The following UBXN4 variants were observed in gnomAD, a reference collection of about 807,000 sequenced individuals.
UBXN4 encodes the protein UBX domain-containing protein 4.
UBXN4 carries 35 observed loss-of-function variants against 66.2 expected under a neutral mutation model. The ratio of observed to expected loss-of-function variants is 0.53; its 90% CI spans 0.40 to 0.70. The LOEUF is 0.70. UBXN4 is among the 30% of genes least tolerant of loss of function. The pLI, the probability that UBXN4 is intolerant of heterozygous loss-of-function variation, is 0.00. For synonymous variants in UBXN4, 203 were observed against 204.5 expected, an observed-to-expected ratio of 0.99 and a Z score of 0.06; for missense variants, 533 against 599.8, an observed-to-expected ratio of 0.89 and a Z score of 1.16.
intron 9 of UBXN4, among the ~76,000 whole-genome samples, chr2:135,774,340 A>G (rs1317377068): frequency 1.3e-5 from 2 of 152,206 alleles, no homozygotes; most frequent in African/African-American, 2.4e-5. Context: ...ACCTCACACC[A>G]TGTACAAAAT....
chr2:135,771,392 C>T (rs1479417442), intron 8 of UBXN4, among the ~76,000 whole-genome samples: 1 of 152,020 alleles, frequency 6.6e-6, no homozygotes, highest in Non-Finnish European at 1.5e-5. Flanking sequence ...AGGAGAATCA[C>T]TTGAACCTAG....
At chr2:135,758,147 T>C (rs2077290158) in intron 5 of UBXN4, among the ~76,000 whole-genome samples, 1 of 150,848 alleles carries the variant, frequency 6.6e-6, no homozygotes. Context: ...CAATCTTGGC[T>C]CACCACAACC....
intron 6 of UBXN4, among the ~76,000 whole-genome samples, chr2:135,766,800 G>A (rs2077351083): frequency 6.6e-6 from 1 of 152,036 alleles, no homozygotes; most frequent in South Asian, 2.1e-4. Context: ...TTGTCTATGG[G>A]GTGATTCAAA....
intron 10 of UBXN4, among the ~76,000 whole-genome samples, chr2:135,777,415 G>A (rs990102244): frequency 2.6e-5 from 4 of 152,076 alleles, no homozygotes; most frequent in Admixed American, 6.6e-5. Context: ...CAATGTAAAC[G>A]TTTATTTTAA....
intron 2 of UBXN4, among the ~76,000 whole-genome samples, chr2:135,749,783 A>G (rs955416820): frequency 1.3e-5 from 2 of 152,206 alleles, no homozygotes; most frequent in South Asian, 2.1e-4. Flanking sequence ...TTTTAGTTCA[A>G]AATTATTCAA....
intron 6 of UBXN4, among the ~76,000 whole-genome samples, chr2:135,764,216 G>A (rs2077334324): frequency 6.6e-6 from 1 of 152,126 alleles, no homozygotes; most frequent in South Asian, 2.1e-4. Flanking sequence ...AGTTGAAACT[G>A]AGATCTATTT....
At chr2:135,777,569 C>T (rs2077423634) in intron 10 of UBXN4, among the ~76,000 whole-genome samples, 1 of 152,136 alleles carries the variant, frequency 6.6e-6, no homozygotes, top group South Asian at 2.1e-4. Context: ...GGGACTACAT[C>T]TTTGATTGCA....
intron 8 of UBXN4, among the ~76,000 whole-genome samples, chr2:135,771,051 AACT>A (rs1241302274): frequency 6.6e-6 from 1 of 152,002 alleles, no homozygotes; most frequent in Non-Finnish European, 1.5e-5. Context: ...TACTAGTAGT[AACT>A]ACTAGTACTA....
chr2:135,758,832 C>T (rs976160411), intron 5 of UBXN4, among the ~76,000 whole-genome samples: 17 of 151,848 alleles, frequency 1.1e-4, no homozygotes, highest in African/African-American at 3.9e-4. Context: ...GATCTCGGCT[C>T]ACTGCAACCT....
chr2:135,771,335 G>T (rs1042971985), intron 8 of UBXN4, among the ~76,000 whole-genome samples: 1 of 151,996 alleles, frequency 6.6e-6, no homozygotes, highest in Non-Finnish European at 1.5e-5. Context: ...AAATTAATCG[G>T]GTGTGGTGGT....
chr2:135,781,405 C>T (rs1218852020), intron 12 of UBXN4, among the ~76,000 whole-genome samples: 1 of 152,200 alleles, frequency 6.6e-6, no homozygotes, highest in Non-Finnish European at 1.5e-5. Flanking sequence ...AATAATGTAA[C>T]TTACTGAAAT....
chr2:135,754,281 A>C lies in UBXN4; in HGVS notation c.333+4A>C, dbSNP rs1444406564. On this transcript the variant is annotated splice_donor_region_variant and intron_variant, in intron 4 of 12. Transcript: ENST00000272638. ...AAGAATTCACAAGGTCCGACAGGTA[A>C]GAAGGAACAGAACTGTTGTTTCCGT... The C allele has an allele frequency of 6.2e-7, 1 of 1,604,048 alleles. No homozygotes were observed. The highest frequency in any genetic ancestry group is 1.1e-5 in the South Asian group (1 of 90,702).
At chr2:135,747,630 C>G (rs1182319902) in intron 1 of UBXN4, 1 of 456,374 alleles carries the variant, frequency 2.2e-6, no homozygotes, top group Admixed American at 2.4e-5. Flanking sequence ...GGACAGATAT[C>G]AAACTTTTTA....
intron 2 of UBXN4, among the ~76,000 whole-genome samples, chr2:135,750,526 T>A (rs1002647460): frequency 6.6e-6 from 1 of 151,906 alleles, no homozygotes; most frequent in African/African-American, 2.4e-5. Flanking sequence ...AAAATAAAAA[T>A]AAAAAAATAA....
At chr2:135,745,875 C>CTTTTTTATTTTTTTTT (rs2077204386) in intron 1 of UBXN4, among the ~76,000 whole-genome samples, 1 of 74,396 alleles carries the variant, frequency 1.3e-5, no homozygotes, top group Non-Finnish European at 2.3e-5. Flanking sequence ...GTCCCGTTTA[C>CTTTTTTATTTTTTTTT]TTTTTTTTTT....
At chr2:135,756,663 A>G (rs1331112832) in intron 5 of UBXN4, among the ~76,000 whole-genome samples, 2 of 152,184 alleles carry the variant, frequency 1.3e-5, no homozygotes, top group East Asian at 3.8e-4. Context: ...ATTTACCTGG[A>G]TATATATCAT....
At chr2:135,749,653 C>T (rs996572316) in intron 2 of UBXN4, among the ~76,000 whole-genome samples, 2 of 152,118 alleles carry the variant, frequency 1.3e-5, no homozygotes, top group Non-Finnish European at 2.9e-5. Flanking sequence ...ATTTTTTAAG[C>T]ATAACTATAA....
intron 1 of UBXN4, among the ~76,000 whole-genome samples, chr2:135,747,447 A>G (rs1463846689): frequency 6.6e-6 from 1 of 151,836 alleles, no homozygotes; most frequent in African/African-American, 2.4e-5. Flanking sequence ...GAATTCTATC[A>G]CCATAGATTA....
chr2:135,742,162 G>T (rs1165500260), intron 1 of UBXN4, 151 bp downstream of exon 1: 1 of 908,948 alleles, frequency 1.1e-6, no homozygotes, highest in African/African-American at 1.7e-5. Flanking sequence ...CCCCAGGGAC[G>T]GCTGCGACTC....
Sources: allele counts gnomAD v4.1 joint callset (sites outside exome capture counted in the v4.1 genomes callset), GRCh38; gene constraint gnomAD v4.1.1; transcripts MANE v1.5; gene names NCBI Gene and HGNC (gene_info 2026-07-23, HGNC 2026-07-21).